Variants in PHACTR3 observed in about 807,000 individuals in gnomAD.
The protein encoded by PHACTR3 is protein phosphatase 1, regulatory subunit 123.
A neutral mutation model predicts 66.8 loss-of-function variants in PHACTR3; 16 were observed. The observed-to-expected ratio is 0.24, with a 90% CI of 0.16 to 0.36. The LOEUF (loss-of-function observed/expected upper bound fraction) is 0.36. Among genes scored for constraint, PHACTR3 ranks in the 10% least tolerant of loss-of-function variants. The pLI is 1.00. For missense variants in PHACTR3, 647 were observed against 719.9 expected, an observed-to-expected ratio of 0.90 and a Z score of 1.16; for synonymous variants, 323 against 292.1, an observed-to-expected ratio of 1.11 and a Z score of -1.08.
intron 7 of PHACTR3, among the ~76,000 whole-genome samples, chr20:59,788,786 A>T (rs2041002994): frequency 6.6e-6 from 1 of 152,198 alleles, no homozygotes; most frequent in African/African-American, 2.4e-5. Context: ...TCAACTTCCC[A>T]GATCCTCATA....
chr20:59,788,568 T>C (rs2040995408), intron 7 of PHACTR3, among the ~76,000 whole-genome samples: 1 of 152,172 alleles, frequency 6.6e-6, no homozygotes, highest in Non-Finnish European at 1.5e-5. Context: ...CCTGGCTCCT[T>C]CCTTTGCTGG....
intron 1 of PHACTR3, among the ~76,000 whole-genome samples, chr20:59,580,587 AT>A (rs2032828625): frequency 1.3e-5 from 2 of 151,620 alleles, no homozygotes; most frequent in African/African-American, 4.8e-5. Flanking sequence ...TTCCTTTAAA[AT>A]TTTTGTTTGA....
rs768531648 is a variant in PHACTR3 at position 59,741,326 on chromosome 20, C to T, written c.119-1781C>T. Among the ~76,000 whole-genome samples the T allele has an allele frequency of 8.5e-4, 130 of 152,252 alleles. 2 individuals carry two copies. Among genetic ancestry groups the T allele is most frequent in the Non-Finnish European group, 1.8e-4 (12 of 68,050 alleles). On this transcript the variant is annotated intron_variant, in intron 1 of 12. Transcript: ENST00000371015. Reference sequence around the variant, plus strand: ...GTGTATGTTCGCAGGGCGAGGGGTCCTGGCAGAGGTCTGGGCTCCTGTGGT... The same window carrying T: ...GTGTATGTTCGCAGGGCGAGGGGTCTTGGCAGAGGTCTGGGCTCCTGTGGT...
At chr20:59,711,318 G>C (rs2037906497) in intron 1 of PHACTR3, among the ~76,000 whole-genome samples, 1 of 152,112 alleles carries the variant, frequency 6.6e-6, no homozygotes, top group East Asian at 1.9e-4. Flanking sequence ...TTTTTGAACA[G>C]CGTAAACTTT....
chr20:59,717,765 G>T (rs932284500), intron 1 of PHACTR3, among the ~76,000 whole-genome samples: 30 of 152,140 alleles, frequency 2.0e-4, no homozygotes, highest in Non-Finnish European at 1.5e-4. Flanking sequence ...TGGTTTTTTT[G>T]ACTATTCCTC....
chr20:59,826,568 T>C (rs940149365), intron 8 of PHACTR3, among the ~76,000 whole-genome samples: 7 of 151,934 alleles, frequency 4.6e-5, no homozygotes, highest in African/African-American at 1.7e-4. Context: ...GCACACACCC[T>C]CCTGGCCCTG....
intron 8 of PHACTR3, among the ~76,000 whole-genome samples, chr20:59,834,848 T>C (rs2145487518): frequency 6.6e-6 from 1 of 152,344 alleles, no homozygotes; most frequent in Non-Finnish European, 1.5e-5. Flanking sequence ...CATCCAATCT[T>C]TCAGCTTCCC....
intron 1 of PHACTR3, among the ~76,000 whole-genome samples, chr20:59,618,925 C>G (rs1404421849): frequency 6.6e-6 from 1 of 152,138 alleles, no homozygotes; most frequent in East Asian, 1.9e-4. Context: ...CTGGGGTGCC[C>G]TAGGATGGAC....
chr20:59,754,275 C>A (rs535269090), intron 3 of PHACTR3, among the ~76,000 whole-genome samples: 84 of 152,342 alleles, frequency 5.5e-4, no homozygotes, highest in African/African-American at 2.0e-3. Context: ...GAGGCTGCAG[C>A]AGCCGAGCTT....
chr20:59,583,077 C>T (rs541972195), intron 1 of PHACTR3, among the ~76,000 whole-genome samples: 16 of 152,264 alleles, frequency 1.1e-4, no homozygotes, highest in Admixed American at 8.5e-4. Context: ...CGGGGGCATA[C>T]CAGGATGGCT....
chr20:59,581,405 C>T (rs1026788012), intron 1 of PHACTR3, among the ~76,000 whole-genome samples: 1 of 152,208 alleles, frequency 6.6e-6, no homozygotes, highest in Admixed American at 6.5e-5. Context: ...CAGCCAGTGG[C>T]CCCTCAGGTC....
chr20:59,811,844 ATC>A, intron 8 of PHACTR3, among the ~76,000 whole-genome samples: 2 of 152,288 alleles, frequency 1.3e-5, no homozygotes, highest in East Asian at 3.9e-4. Context: ...GTGTCTCAGA[ATC>A]TCTCTCCTTG....
chr20:59,671,848 C>T (rs540991369), intron 1 of PHACTR3, among the ~76,000 whole-genome samples: 4 of 152,366 alleles, frequency 2.6e-5, no homozygotes, highest in East Asian at 1.9e-4. Flanking sequence ...TGACTACCCA[C>T]GTGGAGAATC....
intron 1 of PHACTR3, chr20:59,577,750 C>A: frequency 1.9e-6 from 1 of 530,650 alleles, no homozygotes; most frequent in Non-Finnish European, 2.6e-6. Flanking sequence ...GCCCGCTGCG[C>A]CCCCAGCCAC....
chr20:59,737,084 C>T (rs979355162), intron 1 of PHACTR3, among the ~76,000 whole-genome samples: 2 of 152,162 alleles, frequency 1.3e-5, no homozygotes, highest in Non-Finnish European at 2.9e-5. Flanking sequence ...GTTCAAGTCC[C>T]TGACTACGAC....
intron 1 of PHACTR3, among the ~76,000 whole-genome samples, chr20:59,737,566 A>C (rs60371825): frequency 0.024 from 3,608 of 151,980 alleles, 143 homozygotes; most frequent in African/African-American, 0.083. Context: ...CTCTGTGTGC[A>C]TGTGTGTGTG....
intron 7 of PHACTR3, among the ~76,000 whole-genome samples, chr20:59,778,897 G>T (rs979402918): frequency 6.6e-6 from 1 of 152,186 alleles, no homozygotes; most frequent in African/African-American, 2.4e-5. Context: ...TCTGAGAGTG[G>T]GGGAAGGTAG....
At chr20:59,817,343 T>C (rs1053887505) in intron 8 of PHACTR3, among the ~76,000 whole-genome samples, 2 of 152,206 alleles carry the variant, frequency 1.3e-5, no homozygotes, top group African/African-American at 4.8e-5. Context: ...CAGCCTGGGC[T>C]ATTTCTGAGC....
In PHACTR3 at chr20:59,806,210, C is replaced by T. The variant is rs750153569; in HGVS notation, c.1328+16C>T. 2.6e-5 allele frequency: 42 copies of T among 1,611,042 alleles called. No homozygotes were observed. Among genetic ancestry groups the T allele is most frequent in the African/African-American group, 9.3e-5 (7 of 74,898 alleles). On this transcript the variant is annotated intron_variant, in intron 8 of 12. Transcript: ENST00000371015. ...AGCTTTCCAAGTAAGTGGCAGCTTGCGGGCACAGCCGGGCCTGTGCTCTGG... is the reference window on the plus strand; with the variant it reads ...AGCTTTCCAAGTAAGTGGCAGCTTGTGGGCACAGCCGGGCCTGTGCTCTGG...
Sources: gnomAD v4.1 joint callset for allele counts (sites outside exome capture counted in the v4.1 genomes callset) on GRCh38, gnomAD v4.1.1 for gene constraint, MANE v1.5 for transcripts, NCBI Gene and HGNC (gene_info 2026-07-23, HGNC 2026-07-21) for gene names.